Variants in VGLL4 observed in about 807,000 individuals in gnomAD.
VGLL4 encodes the protein transcription cofactor vestigial-like protein 4.
VGLL4 carries 7 observed loss-of-function variants against 21.0 expected under a neutral mutation model. The observed-to-expected ratio is 0.33, with a 90% CI of 0.19 to 0.63. The LOEUF (loss-of-function observed/expected upper bound fraction) is 0.63. Ranked by LOEUF, VGLL4 falls within the 20% of genes least tolerant of loss-of-function variation. The pLI is 0.78. For missense variants in VGLL4, 394 were observed against 425.7 expected (o/e 0.93, Z 0.66); for synonymous variants, 222 against 173.2 (o/e 1.28, Z -2.21).
intron 2 of VGLL4, among the ~76,000 whole-genome samples, chr3:11,569,459 G>A (rs965293210): frequency 2.0e-5 from 3 of 152,202 alleles, no homozygotes; most frequent in South Asian, 2.1e-4. Flanking sequence ...ATCCTGAGGC[G>A]GCAAAGCAGC....
chr3:11,665,177 C>G (rs4317076), intron 2 of VGLL4, among the ~76,000 whole-genome samples: 72,043 of 137,804 alleles, frequency 0.52, 20,092 homozygotes, highest in Non-Finnish European at 0.62. Context: ...GCAGTGGCGC[C>G]ATCTCGGCTC....
intron 2 of VGLL4, among the ~76,000 whole-genome samples, chr3:11,686,139 T>G (rs2076444856): frequency 6.6e-6 from 1 of 152,182 alleles, no homozygotes; most frequent in Non-Finnish European, 1.5e-5. Context: ...CAAAAAATTT[T>G]TAAAAAATTT....
intron 1 of VGLL4, among the ~76,000 whole-genome samples, chr3:11,637,049 T>C (rs1246804260): frequency 7.2e-6 from 1 of 138,936 alleles, no homozygotes; most frequent in East Asian, 2.1e-4. Context: ...CATCTCCCTA[T>C]ACAGGGTAAA....
intron 2 of VGLL4, among the ~76,000 whole-genome samples, chr3:11,677,724 G>GT (rs1213668178): frequency 1.3e-5 from 2 of 151,938 alleles, no homozygotes; most frequent in African/African-American, 4.8e-5. Context: ...GTGGATCATG[G>GT]TAAAACCTAG....
Position 11,601,882 on chromosome 3 carries a change from A to AGTCTAG in VGLL4, c.217_222dup (p.Leu73_Asp74dup). On this transcript the variant is annotated inframe_insertion, in exon 2 of 5. Transcript: ENST00000430365. ...ATTTTGGAGACGTGGTCGTTGTCAC[A>AGTCTAG]GTCTAGGTCCTCGTCACCTGGCTCC... 3 of 1,613,820 alleles carry AGTCTAG rather than the reference A, an allele frequency of 1.9e-6. No individual in the cohort carries two copies. The South Asian group carries it at 3.3e-5, about 18-fold the overall frequency.
Position 11,653,001 on chromosome 3 carries a change from G to A in VGLL4, c.64+49970C>T, listed in dbSNP as rs147722939. 1.6e-3 allele frequency among the ~76,000 whole-genome samples: 237 copies of A among 152,286 alleles called. 1 individual carries two copies. The highest frequency in any genetic ancestry group is 5.5e-3 in the African/African-American group (227 of 41,558). ...TACCAAGTCATAATTACTCATAGAT[G>A]TATTCCTGCAAGATTGACTAGAACT... On this transcript the variant is annotated intron_variant, in intron 2 of 5. Transcript: ENST00000273038. The surrounding 1 kb of genome is among the most constrained non-coding windows in gnomAD (Gnocchi z 4.2).
chr3:11,693,445 A>C (rs1464023654), intron 2 of VGLL4, among the ~76,000 whole-genome samples: 1 of 152,222 alleles, frequency 6.6e-6, no homozygotes, highest in African/African-American at 2.4e-5. Context: ...CGTCCTCAAC[A>C]GGCAAGGATC....
chr3:11,575,681 C>T (rs1031405785), intron 2 of VGLL4, among the ~76,000 whole-genome samples: 4 of 152,228 alleles, frequency 2.6e-5, no homozygotes, highest in East Asian at 3.9e-4. Context: ...AGAGACCTGT[C>T]GGAAACGCTG....
intron 1 of VGLL4, among the ~76,000 whole-genome samples, chr3:11,619,851 T>C (rs988518416): frequency 2.6e-5 from 4 of 152,210 alleles, no homozygotes; most frequent in Non-Finnish European, 5.9e-5. Context: ...TCTTTTCTTT[T>C]TCCTCTGTAG....
rs974429393 is a variant in VGLL4, at chr3:11,565,759, G to C, written c.273-740C>G. On this transcript the variant is annotated intron_variant, in intron 2 of 4. Coordinates refer to ENST00000430365, the MANE Select transcript of VGLL4 (RefSeq NM_001128219.3). The surrounding 1 kb of genome is among the most constrained non-coding windows in gnomAD (Gnocchi z 4.1). ...GCGATGCCACGTGGAATCCAGGTGAGACAGTCAGCACCACCTCCATCTGAT... is the reference window on the plus strand; with the variant it reads ...GCGATGCCACGTGGAATCCAGGTGACACAGTCAGCACCACCTCCATCTGAT... Among the ~76,000 whole-genome samples the C allele has an allele frequency of 1.3e-5, 2 of 152,196 alleles. No homozygotes were observed. The highest frequency in any genetic ancestry group is 1.9e-4 in the East Asian group (1 of 5,186).
intron 2 of VGLL4, among the ~76,000 whole-genome samples, chr3:11,686,893 C>CGGG (rs2076457198): frequency 6.6e-6 from 1 of 152,114 alleles, no homozygotes; most frequent in Non-Finnish European, 1.5e-5. Context: ...TTGTTATCTT[C>CGGG]TAATGAAGTA....
At position 11,568,481 on chromosome 3, in the gene VGLL4, C is replaced by G; in HGVS notation, c.273-3462G>C. On this transcript the variant is annotated intron_variant, in intron 2 of 4. Coordinates refer to ENST00000430365, the MANE Select transcript of VGLL4 (RefSeq NM_001128219.3). The surrounding 1 kb of genome is among the most constrained non-coding windows in gnomAD (Gnocchi z 5.9). ...AGAAGGGGACTTCCAGGCCCACTAA[C>G]TGGAAAGACAGTCCGTGGAACACAG... is the stretch of plus-strand genomic sequence containing the variant. 7.3e-7 allele frequency: 1 copy of G among 1,372,200 alleles called. No individual in the cohort carries two copies. The highest frequency in any genetic ancestry group is 1.0e-6 in the Non-Finnish European group (1 of 992,384). 85.0% of individuals were successfully genotyped at this position (1,372,200 alleles called of 1,614,324 possible). A position where few individuals can be genotyped will look rare whatever the true frequency, so the allele number is the denominator to read the frequency against.
intron 1 of VGLL4, among the ~76,000 whole-genome samples, chr3:11,609,791 G>T (rs1431325433): frequency 6.6e-6 from 1 of 152,186 alleles, no homozygotes; most frequent in African/African-American, 2.4e-5. Context: ...CAAAATAATG[G>T]TATTTATGGG....
chr3:11,657,565 G>A (rs2075975669), intron 2 of VGLL4, among the ~76,000 whole-genome samples: 1 of 152,160 alleles, frequency 6.6e-6, no homozygotes, highest in South Asian at 2.1e-4. Context: ...CTGTGTCTCT[G>A]GAGAGAACAC....
chr3:11,643,292 C>G lies in VGLL4; in HGVS notation c.82+145G>C, dbSNP rs939651290. ...CCTGAGATCCGAACACACTCGGTGC[C>G]GAACCGAACCTAAGAAACGCCGGCC... On this transcript the variant is annotated intron_variant, in intron 1 of 4. Coordinates refer to ENST00000430365, the MANE Select transcript of VGLL4 (RefSeq NM_001128219.3). 16 of 1,281,614 alleles carry G rather than the reference C, an allele frequency of 1.2e-5. No individual in the cohort carries two copies. The Middle Eastern group carries it at 8.1e-4, about 65-fold the overall frequency. The allele number at this position is 1,281,614 out of a possible 1,614,324, so 79.4% of individuals were successfully genotyped here.
At chr3:11,589,194 T>C (rs939200299) in intron 2 of VGLL4, among the ~76,000 whole-genome samples, 3 of 152,152 alleles carry the variant, frequency 2.0e-5, no homozygotes, top group Non-Finnish European at 4.4e-5. Flanking sequence ...GGGAGAGGAT[T>C]CAACAGAATT....
chr3:11,567,805 C>T (rs1371932911), intron 2 of VGLL4, among the ~76,000 whole-genome samples: 3 of 152,188 alleles, frequency 2.0e-5, no homozygotes, highest in Admixed American at 2.0e-4. Context: ...TTCAGTGTCC[C>T]GCTCCCTTCT....
intron 2 of VGLL4, among the ~76,000 whole-genome samples, chr3:11,665,780 C>T (rs2076114494): frequency 6.6e-6 from 1 of 152,252 alleles, no homozygotes; most frequent in Admixed American, 6.5e-5. Context: ...TGAGACAAAA[C>T]TCCCTCTTTT....
At chr3:11,709,113 A>T (rs2076801469) in intron 1 of VGLL4, among the ~76,000 whole-genome samples, 1 of 151,890 alleles carries the variant, frequency 6.6e-6, no homozygotes, top group African/African-American at 2.4e-5. Context: ...GAACATAACA[A>T]CATTTAAGTG....
Sources: allele counts gnomAD v4.1 joint callset (sites outside exome capture counted in the v4.1 genomes callset), GRCh38; gene constraint gnomAD v4.1.1; non-coding constraint Gnocchi (gnomAD v3.1); transcripts MANE v1.5; gene names NCBI Gene and HGNC (gene_info 2026-07-23, HGNC 2026-07-21).